GPLD1: variants seen among roughly 807,000 people sequenced by gnomAD.
GPLD1 encodes phosphatidylinositol-glycan-specific phospholipase D.
In GPLD1, 84 loss-of-function variants were observed where a neutral mutation model predicts 112.6. The observed-to-expected ratio is 0.75, with a 90% CI of 0.63 to 0.89. The LOEUF (loss-of-function observed/expected upper bound fraction) is 0.89, where lower values mean the gene tolerates loss of function less well. GPLD1 is among the 40% of genes least tolerant of loss of function. The probability of loss-of-function intolerance (pLI) is 0.00; values close to 1 mark genes in which losing one functional copy is unlikely to be tolerated. For synonymous variants in GPLD1, 386 were observed against 403.8 expected, an observed-to-expected ratio of 0.96 and a Z score of 0.53; for missense variants, 1,044 against 1,051.5, an observed-to-expected ratio of 0.99 and a Z score of 0.10.
chr6:24,438,434 C>T (rs793671), intron 20 of GPLD1, among the ~76,000 whole-genome samples: 67,777 of 151,984 alleles, frequency 0.45, 17,370 homozygotes, highest in Middle Eastern at 0.6. Context: ...AGTGTCAGTG[C>T]GTGGATACAA....
At chr6:24,454,919 A>C (rs562814609) in intron 13 of GPLD1, among the ~76,000 whole-genome samples, 2 of 152,232 alleles carry the variant, frequency 1.3e-5, no homozygotes, top group African/African-American at 4.8e-5. Flanking sequence ...ACCTGAGATC[A>C]GGAGTTCGAT....
chr6:24,489,430 T>C lies in GPLD1; in HGVS notation c.82A>G (p.Thr28Ala). Residue 28 changes from threonine to alanine, a missense_variant, in exon 1 of 25, where the codon ACA becomes GCA. By Grantham distance (58) the Thr-to-Ala change is moderately conservative (BLOSUM62 0). Coordinates refer to ENST00000230036, the MANE Select transcript of GPLD1 (RefSeq NM_001503.4). ...CAGTACTTACCTATTTCTACGTGTGTTGAAAGGCCACACGGTGAACCTCTA... is the reference window on the plus strand; with the variant it reads ...CAGTACTTACCTATTTCTACGTGTGCTGAAAGGCCACACGGTGAACCTCTA... ...CHRGSPCGLS[T>A]HVEIGHRALE... 6.2e-7 allele frequency: 1 copy of C among 1,610,336 alleles called. No individual in the cohort carries two copies. The highest frequency in any genetic ancestry group is 8.5e-7 in the Non-Finnish European group (1 of 1,176,604).
rs529049590 is a variant in GPLD1, at chr6:24,426,205, G to T, written c.*2827C>A. On this transcript the variant is annotated 3_prime_UTR_variant, in exon 25 of 25. Coordinates refer to ENST00000230036, the MANE Select transcript of GPLD1 (RefSeq NM_001503.4). ...TTTCAGTTAAACTTGTATAAGTTCA[G>T]ATTTCTGTTAATGAGAAATTACAAC... 3 of 152,284 alleles carry T rather than the reference G, an allele frequency of 2.0e-5. No individual in the cohort carries two copies. Among genetic ancestry groups the T allele is most frequent in the African/African-American group, 7.2e-5 (3 of 41,562 alleles). The allele number at this position is 152,284 out of a possible 1,614,324, so 9.4% of individuals were successfully genotyped here. A position where few individuals can be genotyped will look rare whatever the true frequency, so the allele number is the denominator to read the frequency against.
intron 22 of GPLD1, among the ~76,000 whole-genome samples, chr6:24,435,258 G>A (rs570628792): frequency 3.9e-5 from 6 of 152,006 alleles, no homozygotes; most frequent in South Asian, 4.2e-4. Flanking sequence ...TGATCCGCCC[G>A]CCTCAGCCTC....
Position 24,456,622 on chromosome 6 carries a change from T to C in GPLD1, c.1024A>G (p.Ile342Val). The C allele has an allele frequency of 3.1e-6, 5 of 1,600,974 alleles. No individual in the cohort carries two copies. Among genetic ancestry groups the C allele is most frequent in the Non-Finnish European group, 4.3e-6 (5 of 1,171,734 alleles). The change falls in exon 13 of 25, where the codon ATC becomes GTC. Residue 342 changes from isoleucine (I) to valine (V), a missense_variant. Coordinates refer to ENST00000230036, the MANE Select transcript of GPLD1 (RefSeq NM_001503.4). ...NSWTPDSMSF[I>V]YKALERNIRT... ...ATGTTCCTTTCCAAAGCCTTGTAGA[T>C]AAAGGACATGGAATCCTGAAATAAA...
intron 11 of GPLD1, among the ~76,000 whole-genome samples, chr6:24,461,511 C>T (rs767843244): frequency 2.0e-5 from 3 of 152,114 alleles, no homozygotes; most frequent in South Asian, 2.1e-4. Flanking sequence ...TTAAATATCC[C>T]GGTTAAGCCA....
In GPLD1 at chr6:24,427,737, C is replaced by T. The variant is rs1429060020; in HGVS notation, c.*1295G>A. Among the ~76,000 whole-genome samples, 1 of 147,372 alleles carries T rather than the reference C, an allele frequency of 6.8e-6. No homozygotes were observed. Among genetic ancestry groups the T allele is most frequent in the Non-Finnish European group, 1.5e-5 (1 of 67,396 alleles). On this transcript the variant is annotated 3_prime_UTR_variant, in exon 25 of 25. Transcript: ENST00000230036. ...ATTGTGCACCTGTAGTCCCAGCTGC[C>T]TGGGAGGCTGAGACAGGAGAATCAC...
intron 20 of GPLD1, among the ~76,000 whole-genome samples, chr6:24,441,785 G>C (rs144075210): frequency 8.9e-4 from 135 of 152,250 alleles, no homozygotes; most frequent in Middle Eastern, 3.4e-3. Flanking sequence ...ACTTGAAATT[G>C]TCAACAATGT....
At chr6:24,424,817 A>C (rs544048128), downstream of GPLD1, 1 of 152,374 alleles carries the variant, frequency 6.6e-6, no homozygotes, top group South Asian at 2.1e-4. Context: ...GTACATGATT[A>C]GCCTAATGTG....
At chr6:24,491,800 T>C (rs888122853), upstream of GPLD1, among the ~76,000 whole-genome samples, 6 of 152,128 alleles carry the variant, frequency 3.9e-5, no homozygotes, top group Admixed American at 2.0e-4. Flanking sequence ...CAGAATGACA[T>C]AAACGTATAA....
intron 2 of GPLD1, among the ~76,000 whole-genome samples, chr6:24,480,846 T>C (rs1489365362): frequency 1.3e-5 from 2 of 152,196 alleles, no homozygotes; most frequent in Non-Finnish European, 1.5e-5. Context: ...CAGTCTGATA[T>C]GGCCCAGCCT....
intron 22 of GPLD1, among the ~76,000 whole-genome samples, chr6:24,435,229 T>C (rs935045192): frequency 6.7e-6 from 1 of 149,856 alleles, no homozygotes; most frequent in Admixed American, 6.6e-5. Flanking sequence ...GCCAGGATGG[T>C]CTCGATCTTC....
At chr6:24,460,067 T>A (rs924418536) in intron 12 of GPLD1, among the ~76,000 whole-genome samples, 2 of 152,122 alleles carry the variant, frequency 1.3e-5, no homozygotes, top group African/African-American at 4.8e-5. Context: ...CCAGCTAATT[T>A]ATTTATTTTT....
chr6:24,489,969 T>G (rs986386140), upstream of GPLD1, among the ~76,000 whole-genome samples: 1 of 152,098 alleles, frequency 6.6e-6, no homozygotes, highest in African/African-American at 2.4e-5. Context: ...TTTCTACACA[T>G]TTATCAGGCT....
chr6:24,479,777 T>G, intron 3 of GPLD1, 104 bp downstream of exon 3: 1 of 615,796 alleles, frequency 1.6e-6, no homozygotes, highest in Non-Finnish European at 2.9e-6. Flanking sequence ...TACTGTGCAA[T>G]TAAAAATATA....
At position 24,489,520 on chromosome 6, in the gene GPLD1, T is replaced by G. The variant is rs1561862535; in HGVS notation, c.-9A>C. The G allele has an allele frequency of 1.9e-6, 3 of 1,613,848 alleles. No individual in the cohort carries two copies. Among genetic ancestry groups the G allele is most frequent in the East Asian group, 2.2e-5 (1 of 44,876 alleles). On this transcript the variant is annotated 5_prime_UTR_variant, in exon 1 of 25. Coordinates refer to ENST00000230036, the MANE Select transcript of GPLD1 (RefSeq NM_001503.4). ...AACCTGAAAGCAGACATGATCTCAT[T>G]GCCCACCGGCTTCTCTGGTGACGTG...
At position 24,447,770 on chromosome 6, in the gene GPLD1, G is replaced by A. The variant is rs1035827918; in HGVS notation, c.1678+107C>T. 5.9e-6 allele frequency: 6 copies of A among 1,017,140 alleles called. No individual in the cohort carries two copies. The African/African-American group carries it at 6.4e-5, about 11-fold the overall frequency. The allele number at this position is 1,017,140 out of a possible 1,614,324, so 63.0% of individuals were successfully genotyped here. A position where few individuals can be genotyped will look rare whatever the true frequency, so the allele number is the denominator to read the frequency against. On this transcript the variant is annotated intron_variant, in intron 17 of 24. Coordinates refer to ENST00000230036, the MANE Select transcript of GPLD1 (RefSeq NM_001503.4). ...AGTAACAGACTGTTAGAAAATGTTG[G>A]TGAAATGATATGGAATAAGGAAAAA...
rs1762583176 is a variant in GPLD1, at chr6:24,436,565, A to G, written c.2358+11T>C. 1 of 1,610,194 alleles carries G rather than the reference A, an allele frequency of 6.2e-7. No homozygotes were observed. Among genetic ancestry groups the G allele is most frequent in the Non-Finnish European group, 8.5e-7 (1 of 1,177,018 alleles). Reference sequence around the variant, plus strand: ...TTCCCAATAAGTTATAGAATTTTGTAGAACACTTACCTTTTCTTCTGGACA... The same window carrying G: ...TTCCCAATAAGTTATAGAATTTTGTGGAACACTTACCTTTTCTTCTGGACA... On this transcript the variant is annotated intron_variant, in intron 22 of 24. Coordinates refer to ENST00000230036, the MANE Select transcript of GPLD1 (RefSeq NM_001503.4).
intron 5 of GPLD1, among the ~76,000 whole-genome samples, chr6:24,473,987 A>C (rs1466913405): frequency 3.9e-5 from 6 of 151,940 alleles, no homozygotes; most frequent in Admixed American, 6.6e-5. Flanking sequence ...TTGGCCGGGC[A>C]TGGTGGCGGG....
Sources: gnomAD v4.1 joint callset for allele counts (sites outside exome capture counted in the v4.1 genomes callset) on GRCh38, gnomAD v4.1.1 for gene constraint, MANE v1.5 for transcripts, NCBI Gene and HGNC (gene_info 2026-07-23, HGNC 2026-07-21) for gene names.